The following AGTPBP1 variants were observed in gnomAD, a reference collection of about 807,000 sequenced individuals.
The protein encoded by AGTPBP1 is cytosolic carboxypeptidase 1.
AGTPBP1 carries 70 observed loss-of-function variants against 143.9 expected under a neutral mutation model. The observed-to-expected ratio is 0.49, with a 90% CI of 0.40 to 0.59. The LOEUF (loss-of-function observed/expected upper bound fraction) is 0.59. AGTPBP1 is among the 20% of genes least tolerant of loss of function. AGTPBP1 has a pLI of 0.00. For synonymous variants in AGTPBP1, 463 were observed against 500.2 expected, an observed-to-expected ratio of 0.93 and a Z score of 0.99; for missense variants, 1,229 against 1,464.5, an observed-to-expected ratio of 0.84 and a Z score of 2.62.
At chr9:85,765,924 T>G in the AGTPBP1 span, among the ~76,000 whole-genome samples, 1 of 152,152 alleles carries the variant, frequency 6.6e-6, no homozygotes, top group Non-Finnish European at 1.5e-5. Flanking sequence ...AGGAACATTA[T>G]AGCCCTCTGT....
chr9:85,676,372 A>AT (rs1384954090), intron 6 of AGTPBP1, among the ~76,000 whole-genome samples: 2 of 152,104 alleles, frequency 1.3e-5, no homozygotes, highest in East Asian at 1.9e-4. Context: ...AAGAGAAAGG[A>AT]TTTTTTAAAT....
At chr9:85,658,383 A>C (rs1397883915) in intron 9 of AGTPBP1, among the ~76,000 whole-genome samples, 2 of 152,102 alleles carry the variant, frequency 1.3e-5, no homozygotes, top group South Asian at 4.1e-4. Flanking sequence ...TGTTTGACCT[A>C]ATTTTATTAT....
chr9:85,697,363 A>C (rs1836313868), intron 2 of AGTPBP1, among the ~76,000 whole-genome samples: 1 of 147,474 alleles, frequency 6.8e-6, no homozygotes, highest in Non-Finnish European at 1.5e-5. Flanking sequence ...CAAAAACATT[A>C]TATGTTATGC....
the AGTPBP1 span, among the ~76,000 whole-genome samples, chr9:85,779,214 TATAGATATAGATATAG>T: frequency 5.8e-5 from 8 of 138,656 alleles, 1 homozygote; most frequent in East Asian, 3.9e-4. Context: ...TAGATATAGA[TATAGATATAGATATAG>T]ATATAGATAT....
chr9:85,590,122 T>A (rs1002381225), intron 19 of AGTPBP1, among the ~76,000 whole-genome samples: 1 of 152,136 alleles, frequency 6.6e-6, no homozygotes, highest in African/African-American at 2.4e-5. Flanking sequence ...AAAAATTATA[T>A]AGCACAATTT....
intron 17 of AGTPBP1, among the ~76,000 whole-genome samples, chr9:85,618,083 T>C (rs1190532553): frequency 7.9e-5 from 12 of 151,836 alleles, no homozygotes; most frequent in Admixed American, 7.9e-4. Flanking sequence ...CTACTAAAAG[T>C]ACAAAAATTA....
chr9:85,710,917 T>C (rs1399385825), intron 2 of AGTPBP1, among the ~76,000 whole-genome samples: 1 of 152,146 alleles, frequency 6.6e-6, no homozygotes, highest in Non-Finnish European at 1.5e-5. Context: ...AAAATACAAA[T>C]AATGCCTAAT....
At chr9:85,763,408 T>C in the AGTPBP1 span, among the ~76,000 whole-genome samples, 1 of 151,984 alleles carries the variant, frequency 6.6e-6, no homozygotes, top group African/African-American at 2.4e-5. Context: ...AAGAATAGAT[T>C]GAAAAGATTT....
the AGTPBP1 span, among the ~76,000 whole-genome samples, chr9:85,753,771 TAGATA>T: frequency 7.0e-6 from 1 of 143,724 alleles, no homozygotes; most frequent in South Asian, 2.1e-4. Flanking sequence ...GATAGATAGA[TAGATA>T]GATAGATAGA....
At chr9:85,587,558 C>G (rs938652251) in intron 21 of AGTPBP1, among the ~76,000 whole-genome samples, 7 of 151,990 alleles carry the variant, frequency 4.6e-5, no homozygotes, top group African/African-American at 1.7e-4. Context: ...AAATAGACAA[C>G]ATTTTAGTTC....
Position 85,568,294 on chromosome 9 carries a change from G to T in AGTPBP1, c.3503+7021C>A, listed in dbSNP as rs956014514. 6.6e-4 allele frequency among the ~76,000 whole-genome samples: 100 copies of T among 152,124 alleles called. 1 individual carries two copies. Among genetic ancestry groups the T allele is most frequent in the Admixed American group, 6.5e-3 (100 of 15,268 alleles). ...AGCACTTATATTTGTATTCTTTGGG[G>T]TCCTCTCTCCCATTTTCATAGTGTT... On this transcript the variant is annotated intron_variant, in intron 25 of 25. Transcript: ENST00000357081.
the AGTPBP1 span, among the ~76,000 whole-genome samples, chr9:85,804,209 G>C: frequency 3.9e-5 from 6 of 152,092 alleles, no homozygotes; most frequent in Admixed American, 3.9e-4. Context: ...TCATCCATTT[G>C]GTATCTTAGG....
intron 3 of AGTPBP1, among the ~76,000 whole-genome samples, chr9:85,686,294 A>G (rs561673646): frequency 6.6e-6 from 1 of 152,252 alleles, no homozygotes; most frequent in South Asian, 2.1e-4. Context: ...CAACCGTAGG[A>G]AAGCTTGAAG....
rs574059527 is a variant in AGTPBP1, at chr9:85,739,780, G to A, written c.-34+1995C>T. ...TGTAATCCCTGCACCTTAAGAAGCTGAGGCTAGTGGATCACCTGAGGTTGG... is the reference window on the plus strand; with the variant it reads ...TGTAATCCCTGCACCTTAAGAAGCTAAGGCTAGTGGATCACCTGAGGTTGG... On this transcript the variant is annotated intron_variant, in intron 1 of 25. Transcript: ENST00000357081. 7.9e-5 allele frequency among the ~76,000 whole-genome samples: 12 copies of A among 151,522 alleles called. No homozygotes were observed. The South Asian group carries it at 2.3e-3, about 29-fold the overall frequency.
rs779538151 is a variant in AGTPBP1 at position 85,632,907 on chromosome 9, C to T, written c.1770G>A (p.Gly590=). Residue 590 remains glycine (G), a synonymous_variant, in exon 14 of 26, where the codon GGG becomes GGA. Transcript: ENST00000357081. Reference sequence around the variant, plus strand: ...TTTCAACTCCAGTGCAGCAAAGCTTCCCTAGCTGAACTGTTCTTCCCTCAA... The same window carrying T: ...TTTCAACTCCAGTGCAGCAAAGCTTTCCTAGCTGAACTGTTCTTCCCTCAA... ...VLFEGRTVQL[G]KLCCTGVETE... 2.5e-6 allele frequency: 4 copies of T among 1,614,088 alleles called. No individual in the cohort carries two copies. The highest frequency in any genetic ancestry group is 3.4e-6 in the Non-Finnish European group (4 of 1,180,022).
At chr9:85,702,599 G>T (rs1239407625) in intron 2 of AGTPBP1, among the ~76,000 whole-genome samples, 1 of 148,592 alleles carries the variant, frequency 6.7e-6, no homozygotes, top group African/African-American at 2.5e-5. Flanking sequence ...AATATTTTAT[G>T]AGAATTTTCA....
the AGTPBP1 span, chr9:85,770,407 C>T: frequency 4.4e-6 from 7 of 1,602,838 alleles, no homozygotes; most frequent in South Asian, 3.3e-5. Flanking sequence ...TAACCTCTCT[C>T]GTGGTGAAGC....
intron 1 of AGTPBP1, among the ~76,000 whole-genome samples, chr9:85,730,068 T>C (rs1230295595): frequency 6.6e-6 from 1 of 152,176 alleles, no homozygotes; most frequent in Non-Finnish European, 1.5e-5. Context: ...AGCAGTGTGG[T>C]TCCAGAAATG....
At chr9:85,796,850 A>G in the AGTPBP1 span, among the ~76,000 whole-genome samples, 1 of 152,158 alleles carries the variant, frequency 6.6e-6, no homozygotes, top group East Asian at 1.9e-4. Flanking sequence ...GCAGTGGTGC[A>G]GTCTCGGCTC....
Sources: gnomAD v4.1 joint callset for allele counts (sites outside exome capture counted in the v4.1 genomes callset) on GRCh38, gnomAD v4.1.1 for gene constraint, MANE v1.5 for transcripts, NCBI Gene and HGNC (gene_info 2026-07-23, HGNC 2026-07-21) for gene names.